SGCZ: variants seen among roughly 807,000 people sequenced by gnomAD.
The protein encoded by SGCZ is zeta-sarcoglycan.
A neutral mutation model predicts 41.3 loss-of-function variants in SGCZ; 40 were observed. That is an observed-to-expected ratio of 0.97 (90% CI 0.75 to 1.26). The LOEUF (loss-of-function observed/expected upper bound fraction) is 1.26, where lower values mean the gene tolerates loss of function less well. Among genes scored for constraint, SGCZ ranks in the 50% most tolerant of loss-of-function variants. The pLI is 0.00. For missense variants in SGCZ, 552 were observed against 369.8 expected (o/e 1.49, Z -4.04); for synonymous variants, 206 against 137.5 (o/e 1.50, Z -3.49).
At chr8:14,638,752 T>G (rs1286432879) in intron 1 of SGCZ, among the ~76,000 whole-genome samples, 1 of 151,860 alleles carries the variant, frequency 6.6e-6, no homozygotes, top group Non-Finnish European at 1.5e-5. Context: ...TTTATTGTGC[T>G]CCTAGAGATT....
intron 1 of SGCZ, among the ~76,000 whole-genome samples, chr8:14,648,001 A>T (rs533539545): frequency 6.6e-6 from 1 of 151,950 alleles, no homozygotes; most frequent in South Asian, 2.1e-4. Flanking sequence ...TTCTGCAAAG[A>T]GGAGCCCTCA....
At chr8:15,033,982 T>G (rs1803781022) in intron 1 of SGCZ, among the ~76,000 whole-genome samples, 1 of 152,200 alleles carries the variant, frequency 6.6e-6, no homozygotes, top group South Asian at 2.1e-4. Flanking sequence ...ACAAAGCCAA[T>G]CTTTAAAGAC....
chr8:14,540,860 C>T (rs913481342), intron 2 of SGCZ, among the ~76,000 whole-genome samples: 1 of 151,674 alleles, frequency 6.6e-6, no homozygotes, highest in African/African-American at 2.4e-5. Flanking sequence ...TGGAGATTTT[C>T]TTATTCATGA....
At chr8:14,266,386 G>T (rs1206894711) in intron 3 of SGCZ, among the ~76,000 whole-genome samples, 1 of 151,962 alleles carries the variant, frequency 6.6e-6, no homozygotes, top group East Asian at 1.9e-4. Flanking sequence ...TTCCACAGAA[G>T]CACCAAGATA....
At chr8:14,284,641 C>T (rs1418098279) in intron 3 of SGCZ, among the ~76,000 whole-genome samples, 1 of 152,090 alleles carries the variant, frequency 6.6e-6, no homozygotes, top group Non-Finnish European at 1.5e-5. Context: ...TTAAGCCTGT[C>T]TTCTTACTTT....
chr8:14,769,793 T>TAAAAAAAAAAAAAAAAAAAAAAAAA (rs565416806), intron 1 of SGCZ, among the ~76,000 whole-genome samples: 6 of 52,196 alleles, frequency 1.1e-4, no homozygotes, highest in Non-Finnish European at 1.6e-4. Context: ...AAAACACCAT[T>TAAAAAAAAAAAAAAAAAAAAAAAAA]AAAAAAAAAA....
intron 1 of SGCZ, among the ~76,000 whole-genome samples, chr8:14,971,889 C>T (rs867599349): frequency 6.6e-6 from 1 of 152,022 alleles, no homozygotes; most frequent in Non-Finnish European, 1.5e-5. Flanking sequence ...GTCTCGTGAT[C>T]ACCCTGCCTC....
At chr8:14,847,677 TGGAG>T (rs1803179766) in intron 1 of SGCZ, among the ~76,000 whole-genome samples, 1 of 81,560 alleles carries the variant, frequency 1.2e-5, no homozygotes, top group South Asian at 5.1e-4. Flanking sequence ...GAAGGAAAGA[TGGAG>T]GGAGGGAGGA....
chr8:14,819,102 C>A (rs1383375279), intron 1 of SGCZ, among the ~76,000 whole-genome samples: 1 of 148,958 alleles, frequency 6.7e-6, no homozygotes, highest in African/African-American at 2.5e-5. Flanking sequence ...ACATTATAAT[C>A]AAACTCTCAA....
At chr8:14,181,789 C>T (rs1292407206) in intron 4 of SGCZ, among the ~76,000 whole-genome samples, 2 of 152,196 alleles carry the variant, frequency 1.3e-5, no homozygotes, top group African/African-American at 4.8e-5. Context: ...AACTGTGAGT[C>T]AGTTAAACAT....
intron 3 of SGCZ, among the ~76,000 whole-genome samples, chr8:14,281,364 C>T (rs1349403672): frequency 1.3e-5 from 2 of 151,950 alleles, no homozygotes; most frequent in African/African-American, 4.8e-5. Context: ...AAAACTGTCA[C>T]TATTAGCTCC....
At chr8:14,722,695 A>G (rs1809925711) in intron 1 of SGCZ, among the ~76,000 whole-genome samples, 1 of 152,154 alleles carries the variant, frequency 6.6e-6, no homozygotes, top group African/African-American at 2.4e-5. Flanking sequence ...AGATGATAAC[A>G]TTCAAGAAAA....
chr8:14,220,988 A>G (rs533564035), intron 4 of SGCZ, among the ~76,000 whole-genome samples: 1 of 147,372 alleles, frequency 6.8e-6, no homozygotes, highest in African/African-American at 2.6e-5. Flanking sequence ...GAGTTTCAGT[A>G]TTTATTTGGT....
intron 2 of SGCZ, among the ~76,000 whole-genome samples, chr8:14,374,243 G>A (rs1326012321): frequency 1.3e-5 from 2 of 152,158 alleles, no homozygotes; most frequent in African/African-American, 4.8e-5. Flanking sequence ...GCTGGGCGTG[G>A]TGGTGCCTGC....
At chr8:14,972,407 T>C (rs6992946) in intron 1 of SGCZ, among the ~76,000 whole-genome samples, 3,357 of 152,282 alleles carry the variant, frequency 0.022, 142 homozygotes, top group African/African-American at 0.077. Flanking sequence ...TCATTTTTAA[T>C]GTGTGTTTCT....
chr8:14,181,333 G>A (rs559711311), intron 4 of SGCZ, among the ~76,000 whole-genome samples: 1 of 152,284 alleles, frequency 6.6e-6, no homozygotes, highest in African/African-American at 2.4e-5. Context: ...CTATCAAATG[G>A]TAATGGTGTG....
At chr8:14,108,362 G>C (rs963078488) in intron 5 of SGCZ, 127 bp from the exon 6 acceptor site, 1 of 755,796 alleles carries the variant, frequency 1.3e-6, no homozygotes, top group East Asian at 2.7e-5. Context: ...TGATGTATTA[G>C]TCCGTTTTCA....
At chr8:14,293,446 C>G (rs946744084) in intron 3 of SGCZ, among the ~76,000 whole-genome samples, 1 of 152,026 alleles carries the variant, frequency 6.6e-6, no homozygotes, top group African/African-American at 2.4e-5. Context: ...TGTCCACCTA[C>G]AGACACCCAG....
chr8:15,151,024 T>C (rs1005253551), intron 1 of SGCZ, among the ~76,000 whole-genome samples: 4 of 152,222 alleles, frequency 2.6e-5, no homozygotes, highest in Non-Finnish European at 4.4e-5. Flanking sequence ...TATTGGCTTC[T>C]ATCTTACGTT....
Sources: allele counts gnomAD v4.1 joint callset (sites outside exome capture counted in the v4.1 genomes callset), GRCh38; gene constraint gnomAD v4.1.1; transcripts MANE v1.5; gene names NCBI Gene and HGNC (gene_info 2026-07-23, HGNC 2026-07-21).